Variants in KCNQ1 observed in about 807,000 individuals in gnomAD.
KCNQ1 encodes potassium voltage-gated channel subfamily KQT member 1.
Under a neutral mutation model 72.4 loss-of-function variants are expected in KCNQ1, and 49 were observed. The ratio of observed to expected loss-of-function variants is 0.68; its 90% CI spans 0.54 to 0.86. The LOEUF is 0.86. Ranked by LOEUF, KCNQ1 falls within the 40% of genes least tolerant of loss-of-function variation. The pLI is 0.00. For missense variants in KCNQ1, 790 were observed against 945.1 expected (o/e 0.84, Z 2.15); for synonymous variants, 450 against 412.6 (o/e 1.09, Z -1.10).
At position 2,715,582 on chromosome 11, in the gene KCNQ1, C is replaced by T. The variant is rs983235085; in HGVS notation, c.1515-53262C>T. On this transcript the variant is annotated intron_variant, in intron 11 of 15. Transcript: ENST00000155840. The surrounding 1 kb of genome is among the most constrained non-coding windows in gnomAD (Gnocchi z 4.9). ...GCCCAAGCCTTCCTCTTCCACCACCCCTGCTGGGGTCCCCTGGGACCCATC... is the reference window on the plus strand; with the variant it reads ...GCCCAAGCCTTCCTCTTCCACCACCTCTGCTGGGGTCCCCTGGGACCCATC... 6.6e-6 allele frequency among the ~76,000 whole-genome samples: 1 copy of T among 152,172 alleles called. No individual in the cohort carries two copies. The highest frequency in any genetic ancestry group is 6.5e-5 in the Admixed American group (1 of 15,286).
In KCNQ1 at chr11:2,571,349, T is replaced by C. The variant is rs886038994; in HGVS notation, c.629T>C (p.Met210Thr). The C allele has an allele frequency of 6.2e-7, 1 of 1,613,278 alleles. No individual in the cohort carries two copies. The highest frequency in any genetic ancestry group is 8.5e-7 in the Non-Finnish European group (1 of 1,179,956). Residue 210 changes from methionine (M) to threonine (T), a missense_variant, in exon 4 of 16, where the codon ATG becomes ACG. Met to Thr is a moderately conservative substitution (Grantham distance 81). Coordinates refer to ENST00000155840, the MANE Select transcript of KCNQ1 (RefSeq NM_000218.3). ...GACCTCATCGTGGTCGTGGCCTCCATGGTGGTCCTCTGCGTGGGCTCCAAG... is the reference window on the plus strand; with the variant it reads ...GACCTCATCGTGGTCGTGGCCTCCACGGTGGTCCTCTGCGTGGGCTCCAAG... ...IIDLIVVVAS[M>T]VVLCVGSKGQ...
At position 2,653,857 on chromosome 11, in the gene KCNQ1, A is replaced by C. The variant is rs1849795527; in HGVS notation, c.1394-8104A>C. 2 of 398,418 alleles carry C rather than the reference A, an allele frequency of 5.0e-6. No individual in the cohort carries two copies. The highest frequency in any genetic ancestry group is 1.3e-4 in the South Asian group (1 of 7,862). 24.7% of individuals were successfully genotyped at this position (398,418 alleles called of 1,614,324 possible). A position where few individuals can be genotyped will look rare whatever the true frequency, so the allele number is the denominator to read the frequency against. ...GGGGATGGCCAGAGGGTACCTAAACACTGCACACTAGGAGTGGGAAAGGAA... is the reference window on the plus strand; with the variant it reads ...GGGGATGGCCAGAGGGTACCTAAACCCTGCACACTAGGAGTGGGAAAGGAA... On this transcript the variant is annotated intron_variant, in intron 10 of 15. Transcript: ENST00000155840. The surrounding 1 kb of genome is among the most constrained non-coding windows in gnomAD (Gnocchi z 5.3).
rs199472783 is a variant in KCNQ1, at chr11:2,588,839, G to A, written c.1378G>A (p.Gly460Ser). ...ERRLDHFSVD[G>S]YDSSVRKSPT... is the part of the protein sequence containing the mutation. ...GCGGCTGGACCACTTCTCTGTCGAC[G>A]GCTATGACAGTTCTGGTGAGAACCC... The change falls in exon 10 of 16, where the codon GGC (glycine) becomes AGC (serine). Residue 460 changes from glycine (G) to serine (S), a missense_variant. Transcript: ENST00000155840. The surrounding 1 kb of genome is among the most constrained non-coding windows in gnomAD (Gnocchi z 5.6). 52 of 1,612,118 alleles carry A rather than the reference G, an allele frequency of 3.2e-5. No individual in the cohort carries two copies. The Middle Eastern group carries it at 7.5e-4, about 23-fold the overall frequency.
At chr11:2,622,953 T>C (rs1005794419) in intron 10 of KCNQ1, 2 of 398,494 alleles carry the variant, frequency 5.0e-6, no homozygotes, top group East Asian at 3.6e-5. Context: ...TCTACAAATG[T>C]GTAACATGTT....
chr11:2,793,910 A>T (rs1847081617), intron 15 of KCNQ1, among the ~76,000 whole-genome samples: 1 of 152,204 alleles, frequency 6.6e-6, no homozygotes. Context: ...CGGTTTTCCC[A>T]GTCAGTGGAG....
At position 2,712,914 on chromosome 11, in the gene KCNQ1, G is replaced by T. The variant is rs1327483259; in HGVS notation, c.1514+50833G>T. 6.6e-6 allele frequency among the ~76,000 whole-genome samples: 1 copy of T among 152,172 alleles called. No homozygotes were observed. The highest frequency in any genetic ancestry group is 1.9e-4 in the East Asian group (1 of 5,198). On this transcript the variant is annotated intron_variant, in intron 11 of 15. Transcript: ENST00000155840. The surrounding 1 kb of genome is among the most constrained non-coding windows in gnomAD (Gnocchi z 6.4). ...GCCCCCGCCTCCCTCCAAGGCAGTT[G>T]TCAGAGCAAGATCAGCTCCCTGGAA... is the stretch of plus-strand genomic sequence containing the variant.
chr11:2,631,511 G>A (rs991937992), intron 10 of KCNQ1: 1 of 398,160 alleles, frequency 2.5e-6, no homozygotes, highest in Admixed American at 4.4e-5. Context: ...CTGTTCTCTG[G>A]TAGCACACTG....
chr11:2,761,030 C>T (rs1365227095), intron 11 of KCNQ1, among the ~76,000 whole-genome samples: 1 of 152,258 alleles, frequency 6.6e-6, no homozygotes, highest in Non-Finnish European at 1.5e-5. Flanking sequence ...AGAGGTCTTT[C>T]TGTATCCCGA....
At chr11:2,810,449 C>CCTTTTT (rs1564901745) in intron 15 of KCNQ1, among the ~76,000 whole-genome samples, 1 of 152,172 alleles carries the variant, frequency 6.6e-6, no homozygotes, top group Non-Finnish European at 1.5e-5. Flanking sequence ...CTTTCTTCCC[C>CCTTTTT]TTTTTTATGG....
chr11:2,650,197 GAT>G (rs1849735575), intron 10 of KCNQ1: 1 of 398,298 alleles, frequency 2.5e-6, no homozygotes, highest in Non-Finnish European at 4.4e-6. Context: ...TTGTTTTCCT[GAT>G]ATGTTTGTAT....
rs949347618 is a variant in KCNQ1, at chr11:2,785,656, T to C, written c.1794+7619T>C. The stretch of plus-strand genomic sequence containing the variant: ...TATTTAATATAATTTCTAATAGATT[T>C]GGATTGAATTCTAGCAGTGTATTTT... On this transcript the variant is annotated intron_variant, in intron 15 of 15. Transcript: ENST00000155840. This position sits in a 1 kb window ranked among gnomAD's most constrained non-coding sequence, Gnocchi z 4.4. Among the ~76,000 whole-genome samples, 2 of 151,782 alleles carry C rather than the reference T, an allele frequency of 1.3e-5. No homozygotes were observed. Among genetic ancestry groups the C allele is most frequent in the African/African-American group, 4.8e-5 (2 of 41,390 alleles).
intron 11 of KCNQ1, among the ~76,000 whole-genome samples, chr11:2,758,997 AG>A (rs1846345866): frequency 6.6e-6 from 1 of 152,186 alleles, no homozygotes; most frequent in South Asian, 2.1e-4. Flanking sequence ...AACACAAGGC[AG>A]AGCCACGCAC....
intron 1 of KCNQ1, among the ~76,000 whole-genome samples, chr11:2,455,149 G>T (rs529154777): frequency 2.6e-5 from 4 of 151,092 alleles, no homozygotes; most frequent in Non-Finnish European, 4.4e-5. Context: ...CCAGGCTGGA[G>T]TGCAGTGATG....
rs1846553759 is a variant in KCNQ1, at chr11:2,769,430, G to A, written c.1590+511G>A. Among the ~76,000 whole-genome samples the A allele has an allele frequency of 6.6e-6, 1 of 152,296 alleles. No homozygotes were observed. The highest frequency in any genetic ancestry group is 2.4e-5 in the African/African-American group (1 of 41,576). ...GGAGGCTGGGCCCTGCTCTGTAAGA[G>A]GTGGGGTCCCCTTGGCCAGGTGAGG... is the stretch of plus-strand genomic sequence containing the variant. On this transcript the variant is annotated intron_variant, in intron 12 of 15. Transcript: ENST00000155840. The surrounding 1 kb of genome is among the most constrained non-coding windows in gnomAD (Gnocchi z 4.6).
rs1055734900 is a variant in KCNQ1, at chr11:2,481,297, G to A, written c.386+35813G>A. On this transcript the variant is annotated intron_variant, in intron 1 of 15. Transcript: ENST00000155840. This position sits in a 1 kb window ranked among gnomAD's most constrained non-coding sequence, Gnocchi z 4.6. Reference sequence around the variant, plus strand: ...AAGAAGAAAAGTAAAATGACTCATCGTACCAAAAGCCAGAGATGCCAGCTT... The same window carrying A: ...AAGAAGAAAAGTAAAATGACTCATCATACCAAAAGCCAGAGATGCCAGCTT... Among the ~76,000 whole-genome samples the A allele has an allele frequency of 3.3e-5, 5 of 152,266 alleles. No homozygotes were observed. The highest frequency in any genetic ancestry group is 1.9e-4 in the East Asian group (1 of 5,182).
rs1189822692 is a variant in KCNQ1 at position 2,592,464 on chromosome 11, C to G, written c.1393+3610C>G. Among the ~76,000 whole-genome samples the G allele has an allele frequency of 6.6e-6, 1 of 152,170 alleles. No individual in the cohort carries two copies. Among genetic ancestry groups the G allele is most frequent in the Non-Finnish European group, 1.5e-5 (1 of 68,012 alleles). On this transcript the variant is annotated intron_variant, in intron 10 of 15. Transcript: ENST00000155840. This position sits in a 1 kb window ranked among gnomAD's most constrained non-coding sequence, Gnocchi z 5.2. ...AGGGGAGGCACCAGCCCTCATCCCA[C>G]GCAGCAGGGCCCGCTGCTGCTCCCT...
chr11:2,494,785 A>G lies in KCNQ1; in HGVS notation c.387-33143A>G, dbSNP rs527969777. Reference sequence around the variant, plus strand: ...TTTTGCATCGGTGCTCATCAGGGATATTGGCCTGAAGTTTTCTTTTTTTGT... The same window carrying G: ...TTTTGCATCGGTGCTCATCAGGGATGTTGGCCTGAAGTTTTCTTTTTTTGT... On this transcript the variant is annotated intron_variant, in intron 1 of 15. Coordinates refer to ENST00000155840, the MANE Select transcript of KCNQ1 (RefSeq NM_000218.3). This position sits in a 1 kb window ranked among gnomAD's most constrained non-coding sequence, Gnocchi z 4.6. Among the ~76,000 whole-genome samples the G allele has an allele frequency of 2.6e-5, 4 of 152,272 alleles. No individual in the cohort carries two copies. Among genetic ancestry groups the G allele is most frequent in the Middle Eastern group, 3.4e-3 (1 of 294 alleles).
Position 2,683,389 on chromosome 11 carries a change from T to C in KCNQ1, c.1514+21308T>C, listed in dbSNP as rs1374660168. ...CTGCAAATGCAGGTTCCTGGGGCTCTGGGTGGTTTGTCCAATGGCTAAGCT... is the reference window on the plus strand; with the variant it reads ...CTGCAAATGCAGGTTCCTGGGGCTCCGGGTGGTTTGTCCAATGGCTAAGCT... On this transcript the variant is annotated intron_variant, in intron 11 of 15. Coordinates refer to ENST00000155840, the MANE Select transcript of KCNQ1 (RefSeq NM_000218.3). This position sits in a 1 kb window ranked among gnomAD's most constrained non-coding sequence, Gnocchi z 4.7. 1 of 398,676 alleles carries C rather than the reference T, an allele frequency of 2.5e-6. No homozygotes were observed. Among genetic ancestry groups the C allele is most frequent in the Non-Finnish European group, 4.4e-6 (1 of 226,074 alleles). 24.7% of individuals were successfully genotyped at this position (398,676 alleles called of 1,614,324 possible).
chr11:2,756,355 G>A (rs1329838560), intron 11 of KCNQ1, among the ~76,000 whole-genome samples: 1 of 151,084 alleles, frequency 6.6e-6, no homozygotes, highest in East Asian at 1.9e-4. Flanking sequence ...ACAAGCCAGA[G>A]TGACAGACAA....
Sources: allele counts gnomAD v4.1 joint callset (sites outside exome capture counted in the v4.1 genomes callset), GRCh38; gene constraint gnomAD v4.1.1; non-coding constraint Gnocchi (gnomAD v3.1); transcripts MANE v1.5; gene names NCBI Gene and HGNC (gene_info 2026-07-23, HGNC 2026-07-21).